The following UNC5D variants were observed in gnomAD, a reference collection of about 807,000 sequenced individuals.
UNC5D encodes unc-5 netrin receptor D.
Under a neutral mutation model 105.4 loss-of-function variants are expected in UNC5D, and 39 were observed. The ratio of observed to expected loss-of-function variants is 0.37; its 90% CI spans 0.29 to 0.48. UNC5D has a LOEUF of 0.48. UNC5D is among the 20% of genes least tolerant of loss of function. The probability of loss-of-function intolerance (pLI) is 0.98; values close to 1 mark genes in which losing one functional copy is unlikely to be tolerated. For missense variants in UNC5D, 991 were observed against 1,202.4 expected, an observed-to-expected ratio of 0.82 and a Z score of 2.60; for synonymous variants, 452 against 450.4, an observed-to-expected ratio of 1.00 and a Z score of -0.04.
chr8:35,629,835 C>T lies in UNC5D; in HGVS notation c.570+34178C>T, dbSNP rs192795289. On this transcript the variant is annotated intron_variant, in intron 4 of 16. Transcript: ENST00000404895. ...TCTGTTTTTTACAATCTTAAATTATCCCCCCACCCCAGGTCGTAAAAGTAT... is the reference window on the plus strand; with the variant it reads ...TCTGTTTTTTACAATCTTAAATTATTCCCCCACCCCAGGTCGTAAAAGTAT... 1.7e-3 allele frequency among the ~76,000 whole-genome samples: 258 copies of T among 152,146 alleles called. 3 individuals carry two copies. Among genetic ancestry groups the T allele is most frequent in the African/African-American group, 5.9e-3 (246 of 41,518 alleles).
chr8:35,460,981 T>A (rs1163553172), intron 1 of UNC5D, among the ~76,000 whole-genome samples: 1 of 152,222 alleles, frequency 6.6e-6, no homozygotes, highest in African/African-American at 2.4e-5. Context: ...TGAACAGAGC[T>A]TTTACCTTTT....
At chr8:35,737,859 C>A (rs1244954577) in intron 11 of UNC5D, among the ~76,000 whole-genome samples, 1 of 152,116 alleles carries the variant, frequency 6.6e-6, no homozygotes, top group Non-Finnish European at 1.5e-5. Context: ...GTAATCCCAG[C>A]ACTTTGGGAG....
chr8:35,685,823 C>A (rs1210040927), intron 6 of UNC5D, among the ~76,000 whole-genome samples: 1 of 152,000 alleles, frequency 6.6e-6, no homozygotes, highest in African/African-American at 2.4e-5. Context: ...TTTTATAGTA[C>A]CCTATTCTTG....
intron 4 of UNC5D, among the ~76,000 whole-genome samples, chr8:35,677,655 A>C (rs1402183405): frequency 6.6e-6 from 1 of 152,124 alleles, no homozygotes; most frequent in African/African-American, 2.4e-5. Context: ...TGGATAAACT[A>C]TTAGGTTATG....
chr8:35,529,935 G>A (rs1240640522), intron 1 of UNC5D, among the ~76,000 whole-genome samples: 61 of 147,646 alleles, frequency 4.1e-4, no homozygotes, highest in African/African-American at 1.2e-3. Context: ...TCAGCTTAAG[G>A]AGATTTTGGG....
intron 1 of UNC5D, among the ~76,000 whole-genome samples, chr8:35,528,039 G>GTTTTTTT (rs398007485): frequency 5.6e-5 from 7 of 125,102 alleles, no homozygotes; most frequent in Non-Finnish European, 8.2e-5. Flanking sequence ...GAAACAGCTG[G>GTTTTTTT]TTTTTTTTTT....
At chr8:35,486,912 A>G (rs1810857835) in intron 1 of UNC5D, among the ~76,000 whole-genome samples, 1 of 152,158 alleles carries the variant, frequency 6.6e-6, no homozygotes, top group Non-Finnish European at 1.5e-5. Flanking sequence ...TCCCAGGGTC[A>G]TACAACTAAC....
chr8:35,568,395 A>C (rs1817502348), intron 3 of UNC5D, among the ~76,000 whole-genome samples, 154 bp downstream of exon 3: 1 of 152,192 alleles, frequency 6.6e-6, no homozygotes, highest in South Asian at 2.1e-4. Context: ...AATGTTTGAT[A>C]ATTTCTGGCC....
intron 1 of UNC5D, among the ~76,000 whole-genome samples, chr8:35,278,572 A>T (rs1419348767): frequency 7.5e-6 from 1 of 133,012 alleles, no homozygotes; most frequent in Non-Finnish European, 1.7e-5. Context: ...GTTGCTAGGG[A>T]TGTAAATTTA....
chr8:35,558,463 G>T (rs1816710177), intron 2 of UNC5D, among the ~76,000 whole-genome samples: 1 of 152,146 alleles, frequency 6.6e-6, no homozygotes, highest in Non-Finnish European at 1.5e-5. Flanking sequence ...TAATAAAAAT[G>T]TGTTATTCAA....
At chr8:35,529,077 C>T (rs1272631163) in intron 1 of UNC5D, among the ~76,000 whole-genome samples, 1 of 139,032 alleles carries the variant, frequency 7.2e-6, no homozygotes, top group Non-Finnish European at 1.5e-5. Flanking sequence ...TCAATTTTGG[C>T]TTTTGTTGCC....
At chr8:35,645,562 C>T (rs983303211) in intron 4 of UNC5D, among the ~76,000 whole-genome samples, 4 of 151,108 alleles carry the variant, frequency 2.6e-5, no homozygotes, top group Admixed American at 2.0e-4. Context: ...TGTGAATTCT[C>T]TCTTGTTTCT....
chr8:35,520,257 ACAACAT>A (rs746779672), intron 1 of UNC5D, among the ~76,000 whole-genome samples: 1 of 152,160 alleles, frequency 6.6e-6, no homozygotes, highest in Non-Finnish European at 1.5e-5. Flanking sequence ...AAGATATGCT[ACAACAT>A]CGATAAACCT....
At chr8:35,641,601 CTA>C (rs1332924124) in intron 4 of UNC5D, among the ~76,000 whole-genome samples, 1 of 151,942 alleles carries the variant, frequency 6.6e-6, no homozygotes, top group Non-Finnish European at 1.5e-5. Flanking sequence ...TCAAGTATGA[CTA>C]TGTTAGCCAT....
chr8:35,434,990 C>G (rs1253707778), intron 1 of UNC5D, among the ~76,000 whole-genome samples: 1 of 151,978 alleles, frequency 6.6e-6, no homozygotes, highest in African/African-American at 2.4e-5. Context: ...TTCATCTGTG[C>G]ACTTAGTGAA....
chr8:35,541,113 T>C (rs565915674), intron 1 of UNC5D, among the ~76,000 whole-genome samples: 1 of 152,294 alleles, frequency 6.6e-6, no homozygotes, highest in East Asian at 1.9e-4. Context: ...AGCAAAGAAC[T>C]GTTCACGAAT....
chr8:35,734,800 T>TTTTTTTTTTTA (rs1222600285), intron 11 of UNC5D, among the ~76,000 whole-genome samples: 1 of 150,946 alleles, frequency 6.6e-6, no homozygotes, highest in South Asian at 2.1e-4. Flanking sequence ...TTTTTTTTTT[T>TTTTTTTTTTTA]GAGACGGAGT....
chr8:35,247,183 A>T (rs1008017486), intron 1 of UNC5D, among the ~76,000 whole-genome samples: 1 of 152,056 alleles, frequency 6.6e-6, no homozygotes, highest in African/African-American at 2.4e-5. Context: ...CCAGAAGACT[A>T]AAGACTATTG....
intron 1 of UNC5D, among the ~76,000 whole-genome samples, chr8:35,471,177 TGACA>T (rs1335511247): frequency 2.0e-5 from 3 of 152,152 alleles, no homozygotes; most frequent in African/African-American, 7.2e-5. Context: ...CAGCTAAAGA[TGACA>T]GAAACTGTTT....
Sources: gnomAD v4.1 joint callset for allele counts (sites outside exome capture counted in the v4.1 genomes callset) on GRCh38, gnomAD v4.1.1 for gene constraint, MANE v1.5 for transcripts, NCBI Gene and HGNC (gene_info 2026-07-23, HGNC 2026-07-21) for gene names.